The following ASIC2 variants were observed in gnomAD, a reference collection of about 807,000 sequenced individuals.
The protein encoded by ASIC2 is acid-sensing ion channel 2.
Under a neutral mutation model 57.3 loss-of-function variants are expected in ASIC2, and 25 were observed. The observed-to-expected ratio is 0.44, with a 90% CI of 0.32 to 0.61. The LOEUF (loss-of-function observed/expected upper bound fraction) is 0.61. Among genes scored for constraint, ASIC2 ranks in the 20% least tolerant of loss-of-function variants. The pLI is 0.06. For synonymous variants in ASIC2, 319 were observed against 307.5 expected (o/e 1.04, Z -0.39); for missense variants, 641 against 738.1 (o/e 0.87, Z 1.52).
At chr17:34,065,342 G>T (rs1407577142) in intron 1 of ASIC2, among the ~76,000 whole-genome samples, 1 of 151,980 alleles carries the variant, frequency 6.6e-6, no homozygotes, top group Non-Finnish European at 1.5e-5. Flanking sequence ...TGCAACGGAT[G>T]TTGGGGACTT....
At chr17:33,512,114 A>G (rs1914447204) in intron 1 of ASIC2, among the ~76,000 whole-genome samples, 1 of 152,208 alleles carries the variant, frequency 6.6e-6, no homozygotes, top group African/African-American at 2.4e-5. Flanking sequence ...GAGGTTATGG[A>G]AAAAATCATA....
intron 1 of ASIC2, among the ~76,000 whole-genome samples, chr17:33,289,437 C>A (rs1002174653): frequency 6.6e-6 from 1 of 152,164 alleles, no homozygotes; most frequent in Non-Finnish European, 1.5e-5. Flanking sequence ...ATGACCTGGG[C>A]CACATGGGGT....
chr17:33,416,726 T>C (rs895900189), intron 1 of ASIC2, among the ~76,000 whole-genome samples: 1 of 152,218 alleles, frequency 6.6e-6, no homozygotes, highest in Non-Finnish European at 1.5e-5. Flanking sequence ...ATTCTGACTC[T>C]AGGGGACCTA....
At chr17:33,846,726 C>T (rs796652697) in intron 1 of ASIC2, among the ~76,000 whole-genome samples, 1 of 143,634 alleles carries the variant, frequency 7.0e-6, no homozygotes. Context: ...TCAGTGATAA[C>T]TTTTTTTTTT....
intron 1 of ASIC2, among the ~76,000 whole-genome samples, chr17:33,620,558 G>A (rs1905759890): frequency 6.6e-6 from 1 of 152,194 alleles, no homozygotes; most frequent in African/African-American, 2.4e-5. Flanking sequence ...TGTGAGAAGT[G>A]AAATCATCCT....
At chr17:33,861,831 T>C (rs148041586) in intron 1 of ASIC2, among the ~76,000 whole-genome samples, 48 of 152,344 alleles carry the variant, frequency 3.2e-4, no homozygotes, top group Non-Finnish European at 5.9e-4. Context: ...GCAATATCCC[T>C]GCACAGAAAA....
Position 33,895,438 on chromosome 17 carries a change from G to A in ASIC2, c.555+260540C>T, listed in dbSNP as rs144808975. On this transcript the variant is annotated intron_variant, in intron 1 of 9. Coordinates refer to the ASIC2 transcript ENST00000359872. ...TCAGCCTCCCAAGGCCACCACACCC[G>A]GCCTGAATATTTTCTTCCATGTCAT... is the stretch of plus-strand genomic sequence containing the variant. Among the ~76,000 whole-genome samples, 640 of 152,152 alleles carry A rather than the reference G, an allele frequency of 4.2e-3. 1 individual carries two copies. Among genetic ancestry groups the A allele is most frequent in the Non-Finnish European group, 5.7e-3 (388 of 67,980 alleles).
intron 1 of ASIC2, among the ~76,000 whole-genome samples, chr17:33,441,060 C>T (rs1911806810): frequency 6.6e-6 from 1 of 152,094 alleles, no homozygotes; most frequent in Non-Finnish European, 1.5e-5. Flanking sequence ...GCTTGACCTC[C>T]TGGGCTTGAG....
chr17:33,036,773 T>A (rs1003731964), intron 3 of ASIC2, among the ~76,000 whole-genome samples: 1 of 152,184 alleles, frequency 6.6e-6, no homozygotes, highest in African/African-American at 2.4e-5. Flanking sequence ...TACTTTGTCA[T>A]GTTCCTCTTT....
intron 1 of ASIC2, among the ~76,000 whole-genome samples, chr17:33,282,477 TTG>T (rs71144870): frequency 0.012 from 1,767 of 144,680 alleles, 49 homozygotes; most frequent in African/African-American, 0.041. Flanking sequence ...GTGTGTGTGC[TTG>T]TGTGTGTGTG....
chr17:33,344,857 A>G (rs1233357336), intron 1 of ASIC2, among the ~76,000 whole-genome samples: 1 of 151,996 alleles, frequency 6.6e-6, no homozygotes, highest in Non-Finnish European at 1.5e-5. Context: ...ATAGGGGCCA[A>G]CATTTACTCT....
chr17:33,486,387 A>G (rs1913576322), intron 1 of ASIC2, among the ~76,000 whole-genome samples: 2 of 152,234 alleles, frequency 1.3e-5, no homozygotes, highest in African/African-American at 4.8e-5. Context: ...CTGGCTTCAG[A>G]GTCCATCAGC....
chr17:33,608,819 A>G (rs959548608), intron 1 of ASIC2, among the ~76,000 whole-genome samples: 3 of 152,168 alleles, frequency 2.0e-5, no homozygotes, highest in African/African-American at 7.2e-5. Flanking sequence ...CGTTCTTCCT[A>G]TACCTTACCT....
chr17:33,593,135 A>G (rs9900677), intron 1 of ASIC2, among the ~76,000 whole-genome samples: 29,781 of 152,168 alleles, frequency 0.2, 3,010 homozygotes, highest in South Asian at 0.37. Context: ...GCCAGGATAT[A>G]CAAAGGACCT....
intron 1 of ASIC2, among the ~76,000 whole-genome samples, chr17:33,538,073 T>C (rs12937613): frequency 0.54 from 81,657 of 152,024 alleles, 21,965 homozygotes; most frequent in East Asian, 0.6. Flanking sequence ...AGATTAAAAG[T>C]CTTGAGTAAA....
intron 1 of ASIC2, among the ~76,000 whole-genome samples, chr17:33,210,133 C>T (rs534830036): frequency 2.6e-5 from 4 of 152,318 alleles, no homozygotes; most frequent in African/African-American, 9.6e-5. Context: ...ACTTTCCCCA[C>T]GTCGCCCATG....
intron 1 of ASIC2, among the ~76,000 whole-genome samples, chr17:33,998,427 C>T (rs566836825): frequency 3.0e-4 from 46 of 151,828 alleles, no homozygotes; most frequent in Non-Finnish European, 5.2e-4. Context: ...GGACTTTGTT[C>T]TTCCTTTCTA....
intron 9 of ASIC2, among the ~76,000 whole-genome samples, chr17:33,014,983 G>A (rs1034952236): frequency 1.3e-5 from 2 of 152,328 alleles, no homozygotes; most frequent in African/African-American, 2.4e-5. Context: ...CCAGGAAGCC[G>A]GAGCCTTAGG....
intron 1 of ASIC2, among the ~76,000 whole-genome samples, chr17:33,941,406 T>C (rs1916189645): frequency 6.6e-6 from 1 of 152,180 alleles, no homozygotes; most frequent in South Asian, 2.1e-4. Flanking sequence ...CGTACTGCAC[T>C]ACCAGGGGCT....
Sources: allele counts gnomAD v4.1 joint callset (sites outside exome capture counted in the v4.1 genomes callset), GRCh38; gene constraint gnomAD v4.1.1; transcripts MANE v1.5; gene names NCBI Gene and HGNC (gene_info 2026-07-23, HGNC 2026-07-21).